Variants in HOXA5 observed in about 807,000 individuals in gnomAD.
HOXA5 encodes the protein homeobox A5, also known as homeobox protein Hox-A5.
In HOXA5, 12 loss-of-function variants were observed where a neutral mutation model predicts 20.0. That is an observed-to-expected ratio of 0.60 (90% CI 0.38 to 0.97). HOXA5 has a LOEUF of 0.97. Among genes scored for constraint, HOXA5 ranks in the 50% least tolerant of loss-of-function variants. The pLI, the probability that HOXA5 is intolerant of heterozygous loss-of-function variation, is 0.00. For synonymous variants in HOXA5, 159 were observed against 157.7 expected (o/e 1.01, Z -0.06); for missense variants, 352 against 380.3 (o/e 0.93, Z 0.62).
chr7:27,142,273 C>G (rs1204065975), intron 1 of HOXA5, among the ~76,000 whole-genome samples, 188 bp from the exon 2 acceptor site: 2 of 152,228 alleles, frequency 1.3e-5, no homozygotes, highest in East Asian at 1.9e-4. Context: ...GATTTGGACC[C>G]TGGGAACAAT....
rs1782654282 is a variant in HOXA5 at position 27,143,633 on chromosome 7, T to G, written c.-26A>C. ...TTGTTTTTTGATATGTGTGCTTGAT[T>G]TGTGGCTCGCGGTCGTTTGTGCGTC... On this transcript the variant is annotated 5_prime_UTR_variant, in exon 1 of 2. Coordinates refer to ENST00000222726, the MANE Select transcript of HOXA5 (RefSeq NM_019102.4). 2 of 1,567,104 alleles carry G rather than the reference T, an allele frequency of 1.3e-6. No individual in the cohort carries two copies. The highest frequency in any genetic ancestry group is 1.7e-6 in the Non-Finnish European group (2 of 1,155,108).
Position 27,143,161 on chromosome 7 carries a change from G to T in HOXA5, c.447C>A (p.Ala149=). 1.2e-6 allele frequency: 2 copies of T among 1,609,724 alleles called. No homozygotes were observed. Among genetic ancestry groups the T allele is most frequent in the East Asian group, 4.5e-5 (2 of 44,704 alleles). The change falls in exon 1 of 2, where the codon GCC becomes GCA. Residue 149 remains alanine, a synonymous_variant. Transcript: ENST00000222726. ...SREGVGTASG[A]EEDAPASSEQ... is the part of the protein sequence containing the mutation. ...CGCTGCTGGCAGGGGCGTCCTCCTC[G>T]GCTCCGGACGCCGTGCCAACCCCCT...
Position 27,141,757 on chromosome 7 carries a change from G to A in HOXA5, c.*78C>T. The A allele has an allele frequency of 6.5e-7, 1 of 1,527,966 alleles. No homozygotes were observed. The highest frequency in any genetic ancestry group is 8.9e-7 in the Non-Finnish European group (1 of 1,128,670). 94.7% of individuals were successfully genotyped at this position (1,527,966 alleles called of 1,614,324 possible). On this transcript the variant is annotated 3_prime_UTR_variant, in exon 2 of 2. Coordinates refer to ENST00000222726, the MANE Select transcript of HOXA5 (RefSeq NM_019102.4). The stretch of plus-strand genomic sequence containing the variant: ...GCTTCTTCACAGAAGGAACACAAGG[G>A]AGTTTCAGAAAGTCACCTTAGTACT...
chr7:27,141,974 C>T lies in HOXA5; in HGVS notation c.674G>A (p.Arg225Lys). 1 of 1,614,282 alleles carries T rather than the reference C, an allele frequency of 6.2e-7. No homozygotes were observed. Among genetic ancestry groups the T allele is most frequent in the Admixed American group, 1.7e-5 (1 of 60,036 alleles). ...HFNRYLTRRR[R>K]IEIAHALCLS... ...GCAAAGAGCATGTGCTATTTCAATC[C>T]TCCTTCTGCGGGTCAGGTAACGGTT... Residue 225 changes from arginine (R) to lysine (K), a missense_variant, in exon 2 of 2, where the codon AGG becomes AAG. Physicochemically the swap from Arg to Lys is conservative, Grantham distance 26. This residue lies in a region of HOXA5 where 319 missense variants were observed against 336.5 expected (regional missense o/e 0.95). Coordinates refer to ENST00000222726, the MANE Select transcript of HOXA5 (RefSeq NM_019102.4).
In HOXA5 at chr7:27,143,263, G is replaced by C. The variant is rs1385704399; in HGVS notation, c.345C>G (p.His115Gln). Residue 115 changes from histidine (H) to glutamine (Q), a missense_variant, in exon 1 of 2, where the codon CAC (histidine) becomes CAG (glutamine). His to Gln is a conservative substitution (Grantham distance 24). Transcript: ENST00000222726. Reference protein sequence around the residue: ...AVAPSPGSDSHHGGKNSLSNS... With the variant: ...AVAPSPGSDSQHGGKNSLSNS... ...TGCTTAGGGAGTTTTTCCCGCCGTG[G>C]TGGCTGTCGCTGCCGGGCGAGGGGG... 3.7e-6 allele frequency: 6 copies of C among 1,607,722 alleles called. No individual in the cohort carries two copies. In the Admixed American group the frequency reaches 1.0e-4, roughly 27 times the overall value.
chr7:27,143,535 C>T lies in HOXA5; in HGVS notation c.73G>A (p.Gly25Arg). 2 of 1,613,342 alleles carry T rather than the reference C, an allele frequency of 1.2e-6. No homozygotes were observed. Among genetic ancestry groups the T allele is most frequent in the Non-Finnish European group, 1.7e-6 (2 of 1,179,760 alleles). ...NGPDYQLHNY[G>R]DHSSVSEQFR... ...TGCTCGCTCACGGAACTATGATCTC[C>T]ATAATTATGCAACTGGTAGTCCGGG... Residue 25 changes from glycine (G) to arginine (R), a missense_variant, in exon 1 of 2, where the codon GGA becomes AGA. Gly to Arg is a moderately radical substitution (Grantham distance 125, BLOSUM62 -2). This residue lies in a region of HOXA5 where 319 missense variants were observed against 336.5 expected (regional missense o/e 0.95). Coordinates refer to ENST00000222726, the MANE Select transcript of HOXA5 (RefSeq NM_019102.4).
chr7:27,142,990 G>A (rs1782627251), intron 1 of HOXA5, 56 bp downstream of exon 1: 2 of 1,435,358 alleles, frequency 1.4e-6, no homozygotes, highest in Non-Finnish European at 1.9e-6. Context: ...GAAGAGAGGG[G>A]GGACCGAGAG....
Position 27,141,858 on chromosome 7 carries a change from C to T in HOXA5, c.790G>A (p.Ala264Thr). The change falls in exon 2 of 2, where the codon GCA becomes ACA. Residue 264 changes from alanine to threonine, a missense_variant. By Grantham distance (58) the Ala-to-Thr change is moderately conservative. Coordinates refer to ENST00000222726, the MANE Select transcript of HOXA5 (RefSeq NM_019102.4). ...ACTCAGGGACGGAAGGCCCCTCCTGCCGCGGCCATGCTCATGCTTTTCAGC... is the reference window on the plus strand; with the variant it reads ...ACTCAGGGACGGAAGGCCCCTCCTGTCGCGGCCATGCTCATGCTTTTCAGC... ...NKLKSMSMAA[A>T]GGAFRP 6.2e-7 allele frequency: 1 copy of T among 1,614,192 alleles called. No individual in the cohort carries two copies. The highest frequency in any genetic ancestry group is 8.5e-7 in the Non-Finnish European group (1 of 1,180,044).
At chr7:27,142,136 C>A in intron 1 of HOXA5, 51 bp from the exon 2 acceptor site, 1 of 1,583,322 alleles carries the variant, frequency 6.3e-7, no homozygotes, top group Non-Finnish European at 8.6e-7. Context: ...CTTCCAAAGT[C>A]CGCCAGGGGG....
chr7:27,143,218 G>A lies in HOXA5; in HGVS notation c.390C>T (p.Ala130=). 1.2e-6 allele frequency: 2 copies of A among 1,610,320 alleles called. No individual in the cohort carries two copies. The highest frequency in any genetic ancestry group is 8.5e-7 in the Non-Finnish European group (1 of 1,178,920). ...TGCTGATGTGGGTGCTGCCGGCGTC[G>A]GCCGAGGCGCCGCTGGAGTTGCTTA... ...NSLSNSSGAS[A]DAGSTHISSR... The change falls in exon 1 of 2, where the codon GCC becomes GCT. Residue 130 remains alanine (A), a synonymous_variant. Transcript: ENST00000222726.
intron 1 of HOXA5, among the ~76,000 whole-genome samples, chr7:27,142,558 TC>T (rs1782607643): frequency 6.6e-6 from 1 of 151,996 alleles, no homozygotes; most frequent in Non-Finnish European, 1.5e-5. Context: ...TCCTTCTCTC[TC>T]CCTCCTGCCC....
Position 27,142,774 on chromosome 7 carries a change from C to T in HOXA5, c.562+272G>A, listed in dbSNP as rs757912192. 2.0e-3 allele frequency: 849 copies of T among 426,978 alleles called. 2 individuals are homozygous for T. Among genetic ancestry groups the T allele is most frequent in the Non-Finnish European group, 3.0e-3 (742 of 244,006 alleles). The allele number at this position is 426,978 out of a possible 1,614,324, so 26.4% of individuals were successfully genotyped here. A position where few individuals can be genotyped will look rare whatever the true frequency, so the allele number is the denominator to read the frequency against. ...CCTGACCCGGGAGCGCGTCCCAAGG[C>T]GTGGGGTTCCAGAGGGGTTTTTTGC... On this transcript the variant is annotated intron_variant, in intron 1 of 1. Coordinates refer to ENST00000222726, the MANE Select transcript of HOXA5 (RefSeq NM_019102.4).
chr7:27,142,900 G>A (rs1782624183), intron 1 of HOXA5, 146 bp downstream of exon 1: 3 of 715,964 alleles, frequency 4.2e-6, no homozygotes, highest in African/African-American at 3.7e-5. Flanking sequence ...AAGGAGGAAG[G>A]CAGGGGAGGG....
In HOXA5 at chr7:27,143,245, G is replaced by T. The variant is rs1436990637; in HGVS notation, c.363C>A (p.Ser121=). The T allele has an allele frequency of 6.2e-7, 1 of 1,609,442 alleles. No homozygotes were observed. The highest frequency in any genetic ancestry group is 2.2e-5 in the East Asian group (1 of 44,814). The part of the protein sequence containing the change: ...GSDSHHGGKN[S]LSNSSGASAD... ...CCGAGGCGCCGCTGGAGTTGCTTAG[G>T]GAGTTTTTCCCGCCGTGGTGGCTGT... The change falls in exon 1 of 2, where the codon TCC becomes TCA. Residue 121 remains serine (S), a synonymous_variant. Transcript: ENST00000222726.
Position 27,143,610 on chromosome 7 carries a change from G to T in HOXA5, c.-3C>A, listed in dbSNP as rs774226162. On this transcript the variant is annotated 5_prime_UTR_variant, in exon 1 of 2. Transcript: ENST00000222726. ...GAGTTTACAAAATAAGAGCTCATTT[G>T]TTTTTTGATATGTGTGCTTGATTTG... The T allele has an allele frequency of 6.3e-7, 1 of 1,589,774 alleles. No individual in the cohort carries two copies. The highest frequency in any genetic ancestry group is 1.1e-5 in the South Asian group (1 of 88,502).
intron 1 of HOXA5, 83 bp from the exon 2 acceptor site, chr7:27,142,168 G>A (rs559717520): frequency 1.3e-6 from 2 of 1,482,558 alleles, no homozygotes; most frequent in Admixed American, 4.5e-5. Context: ...TCATGAGCAG[G>A]GAACCCAGGC....
rs76984887 is a variant in HOXA5 at position 27,141,113 on chromosome 7, C to A, written c.*722G>T. The A allele has an allele frequency of 7.0e-3, 582 of 82,826 alleles. No homozygotes were observed. Among genetic ancestry groups the A allele is most frequent in the East Asian group, 0.011 (28 of 2,604 alleles). The allele number at this position is 82,826 out of a possible 1,614,324, so 5.1% of individuals were successfully genotyped here. A position where few individuals can be genotyped will look rare whatever the true frequency, so the allele number is the denominator to read the frequency against. ...AGTATTTTTTCCTTAAAAACAAATA[C>A]AAAAAAAAAAAAAAAAAAAAAAAAG... On this transcript the variant is annotated 3_prime_UTR_variant, in exon 2 of 2. Coordinates refer to ENST00000222726, the MANE Select transcript of HOXA5 (RefSeq NM_019102.4).
chr7:27,142,286 G>T (rs1782599049), intron 1 of HOXA5, among the ~76,000 whole-genome samples: 1 of 152,218 alleles, frequency 6.6e-6, no homozygotes, highest in Admixed American at 6.5e-5. Context: ...GGAACAATCT[G>T]CCCATCTGAG....
At chr7:27,142,487 G>A (rs1286076674) in intron 1 of HOXA5, among the ~76,000 whole-genome samples, 6 of 152,154 alleles carry the variant, frequency 3.9e-5, no homozygotes, top group Non-Finnish European at 8.8e-5. Flanking sequence ...TTCCAGCCCC[G>A]AGAGCCGCCT....
Sources: gnomAD v4.1 joint callset for allele counts (sites outside exome capture counted in the v4.1 genomes callset) on GRCh38, gnomAD v4.1.1 for gene constraint, gnomAD v4.1.1 regional missense constraint, MANE v1.5 for transcripts, NCBI Gene and HGNC (gene_info 2026-07-23, HGNC 2026-07-21) for gene names.